Variants in SYMPK observed in about 807,000 individuals in gnomAD.
SYMPK encodes symplekin.
A neutral mutation model predicts 136.4 loss-of-function variants in SYMPK; 49 were observed. That is an observed-to-expected ratio of 0.36 (90% CI 0.29 to 0.46). The LOEUF is 0.46. Ranked by LOEUF, SYMPK falls within the 20% of genes least tolerant of loss-of-function variation. The pLI, the probability that SYMPK is intolerant of heterozygous loss-of-function variation, is 1.00. For missense variants in SYMPK, 1,365 were observed against 1,690.0 expected, an observed-to-expected ratio of 0.81 and a Z score of 3.37; for synonymous variants, 766 against 713.0, an observed-to-expected ratio of 1.07 and a Z score of -1.19.
chr19:45,848,011 G>A lies in SYMPK; in HGVS notation c.427-10C>T. ...GTGACTTTACCATCCACTGCCAGCA[G>A]GCCAGGAAGGAATGGAAGAGACACA... is the stretch of plus-strand genomic sequence containing the variant. On this transcript the variant is annotated splice_polypyrimidine_tract_variant and intron_variant, in intron 6 of 26. Coordinates refer to ENST00000245934, the MANE Select transcript of SYMPK (RefSeq NM_004819.3). The A allele has an allele frequency of 6.4e-7, 1 of 1,568,388 alleles. No homozygotes were observed. The highest frequency in any genetic ancestry group is 8.7e-7 in the Non-Finnish European group (1 of 1,150,598).
rs764509543 is a variant in SYMPK at position 45,821,368 on chromosome 19, G to C, written c.2893+16C>G. The C allele has an allele frequency of 2.5e-6, 4 of 1,606,594 alleles. No individual in the cohort carries two copies. Among genetic ancestry groups the C allele is most frequent in the East Asian group, 2.2e-5 (1 of 44,830 alleles). On this transcript the variant is annotated intron_variant, in intron 22 of 26. Coordinates refer to ENST00000245934, the MANE Select transcript of SYMPK (RefSeq NM_004819.3). The surrounding 1 kb of genome is among the most constrained non-coding windows in gnomAD (Gnocchi z 4.4). ...CGCAGGGGCCAGGCCACTGGAGTGGGGGGGAAGCGCCTCACCTTTGATGAT... is the reference window on the plus strand; with the variant it reads ...CGCAGGGGCCAGGCCACTGGAGTGGCGGGGAAGCGCCTCACCTTTGATGAT...
chr19:45,831,448 G>A lies in SYMPK; in HGVS notation c.1534C>T (p.Leu512=). 3 of 1,607,196 alleles carry A rather than the reference G, an allele frequency of 1.9e-6. No individual in the cohort carries two copies. Among genetic ancestry groups the A allele is most frequent in the Non-Finnish European group, 2.5e-6 (3 of 1,177,020 alleles). ...VVGSLSSMSP[L]EEEAPQAKRR... ...TTGGCCTGCGGTGCCTCTTCCTCCA[G>A]GGGGGACATGGAGCTCAGGGAACCC... is the stretch of plus-strand genomic sequence containing the variant. The change falls in exon 12 of 27, where the codon CTG becomes TTG. Residue 512 remains leucine (L), a synonymous_variant. Transcript: ENST00000245934.
At chr19:45,852,236 G>A (rs1971711039) in intron 5 of SYMPK, 76 bp downstream of exon 5, 1 of 1,479,218 alleles carries the variant, frequency 6.8e-7, no homozygotes, top group African/African-American at 1.4e-5. Context: ...TCTCAGTGGT[G>A]GCCTCCAGGC....
rs763041082 is a variant in SYMPK at position 45,827,494 on chromosome 19, T to C, written c.2181+16A>G. 1.9e-6 allele frequency: 3 copies of C among 1,599,352 alleles called. No individual in the cohort carries two copies. Among genetic ancestry groups the C allele is most frequent in the Non-Finnish European group, 2.6e-6 (3 of 1,167,016 alleles). The stretch of plus-strand genomic sequence containing the variant: ...CTGCAGGCTGAGGGCAGCCAGGAAG[T>C]GGAGGAGGGGATCACCTTGTCCTTC... On this transcript the variant is annotated intron_variant, in intron 16 of 26. Coordinates refer to ENST00000245934, the MANE Select transcript of SYMPK (RefSeq NM_004819.3).
intron 20 of SYMPK, 58 bp from the exon 21 acceptor site, chr19:45,822,904 C>G: frequency 3.5e-6 from 5 of 1,413,052 alleles, no homozygotes; most frequent in Non-Finnish European, 5.0e-6. Flanking sequence ...CATTTCCCTT[C>G]TAGACAAGCC....
At chr19:45,824,339 T>G (rs1320588754) in intron 18 of SYMPK, among the ~76,000 whole-genome samples, 2 of 152,134 alleles carry the variant, frequency 1.3e-5, no homozygotes, top group African/African-American at 4.8e-5. Flanking sequence ...GCTCCACCTC[T>G]GCCCAGTAAC....
intron 9 of SYMPK, among the ~76,000 whole-genome samples, chr19:45,841,482 G>A (rs893105524): frequency 2.0e-5 from 3 of 151,352 alleles, no homozygotes; most frequent in Non-Finnish European, 4.4e-5. Context: ...TAGTAGAGAC[G>A]GGGTTTTTCC....
chr19:45,838,666 C>T (rs752447139), intron 9 of SYMPK, 51 bp from the exon 10 acceptor site: 4 of 1,573,816 alleles, frequency 2.5e-6, no homozygotes, highest in Non-Finnish European at 3.5e-6. Context: ...AGCTGCAGGC[C>T]CTCCATCCTT....
At chr19:45,832,219 G>A (rs946669169) in intron 11 of SYMPK, among the ~76,000 whole-genome samples, 24 of 152,102 alleles carry the variant, frequency 1.6e-4, no homozygotes, top group African/African-American at 5.6e-4. Flanking sequence ...CTGACTCGCT[G>A]CAGCCTCCAC....
chr19:45,841,568 C>T (rs950597250), intron 9 of SYMPK, among the ~76,000 whole-genome samples: 2 of 152,188 alleles, frequency 1.3e-5, no homozygotes, highest in Non-Finnish European at 2.9e-5. Context: ...GCTGGGATTA[C>T]AGGCGTGAGC....
intron 1 of SYMPK, among the ~76,000 whole-genome samples, chr19:45,856,986 C>T (rs766143877): frequency 5.9e-5 from 9 of 151,870 alleles, no homozygotes; most frequent in Non-Finnish European, 1.3e-4. Context: ...GGCATGGTGG[C>T]GCATACCTAT....
chr19:45,838,411 G>A, intron 10 of SYMPK, 50 bp downstream of exon 10: 1 of 1,578,718 alleles, frequency 6.3e-7, no homozygotes, highest in Non-Finnish European at 8.6e-7. Context: ...AAAGACCGAG[G>A]AGATCCTTCC....
rs770342351 is a variant in SYMPK at position 45,829,058 on chromosome 19, C to A, written c.1897G>T (p.Ala633Ser). 1 of 1,614,164 alleles carries A rather than the reference C, an allele frequency of 6.2e-7. No individual in the cohort carries two copies. Among genetic ancestry groups the A allele is most frequent in the Non-Finnish European group, 8.5e-7 (1 of 1,180,036 alleles). ...LYQEYNAYLAAGASGSLDKYE... is the reference protein window; with the variant it reads ...LYQEYNAYLASGASGSLDKYE... ...TTGTCCAGGGAGCCCGAGGCACCTG[C>A]GGCCAGGTAGGCGTTGTACTCCTGG... The change falls in exon 14 of 27, where the codon GCA becomes TCA. Residue 633 changes from alanine to serine, a missense_variant. Ala to Ser is a moderately conservative substitution (Grantham distance 99). Transcript: ENST00000245934.
At chr19:45,850,497 G>A (rs899619604) in intron 5 of SYMPK, among the ~76,000 whole-genome samples, 1 of 152,124 alleles carries the variant, frequency 6.6e-6, no homozygotes, top group African/African-American at 2.4e-5. Flanking sequence ...AAACAAATGA[G>A]CAAGTGACCA....
At chr19:45,859,956 A>C (rs984997853) in intron 1 of SYMPK, among the ~76,000 whole-genome samples, 1,511 of 138,192 alleles carry the variant, frequency 0.011, 49 homozygotes, top group African/African-American at 0.04. Context: ...CTCCATCTAA[A>C]AAAAAAAAAA....
intron 1 of SYMPK, among the ~76,000 whole-genome samples, chr19:45,858,762 G>A (rs894021433): frequency 6.6e-6 from 1 of 152,006 alleles, no homozygotes; most frequent in African/African-American, 2.4e-5. Flanking sequence ...TGATTCGCCC[G>A]CCTTGGCCTC....
chr19:45,823,368 A>G lies in SYMPK; in HGVS notation c.2700+4T>C, dbSNP rs1970956226. 2 of 1,613,812 alleles carry G rather than the reference A, an allele frequency of 1.2e-6. No individual in the cohort carries two copies. The highest frequency in any genetic ancestry group is 1.7e-6 in the Non-Finnish European group (2 of 1,179,938). On this transcript the variant is annotated splice_donor_region_variant and intron_variant, in intron 20 of 26. Coordinates refer to ENST00000245934, the MANE Select transcript of SYMPK (RefSeq NM_004819.3). ...CAGGGACAAACAGGCCTCCAGCTCC[A>G]TACCTTCTCCAGCCCATTGAGCACC...
rs1419542376 is a variant in SYMPK, at chr19:45,815,986, C to T, written c.3552G>A (p.Pro1184=). 23 of 1,607,704 alleles carry T rather than the reference C, an allele frequency of 1.4e-5. No homozygotes were observed. The highest frequency in any genetic ancestry group is 3.4e-5 in the Admixed American group (2 of 59,364). ...CCCGGAAATCCATGGCTTCCTCAGA[C>T]GGGGGCGGGCCTGGCCGGGCCGACG... is the stretch of plus-strand genomic sequence containing the variant. ...PSPSARPGPP[P]SEEAMDFREE... The change falls in exon 26 of 27, where the codon CCG becomes CCA. Residue 1184 remains proline (P), a synonymous_variant. Coordinates refer to ENST00000245934, the MANE Select transcript of SYMPK (RefSeq NM_004819.3).
intron 24 of SYMPK, 107 bp downstream of exon 24, chr19:45,816,688 CCTT>C: frequency 2.0e-6 from 3 of 1,518,150 alleles, no homozygotes; most frequent in Admixed American, 2.1e-5. Flanking sequence ...CAGTGCAGGG[CCTT>C]CTTGTGTCCG....
Sources: gnomAD v4.1 joint callset for allele counts (sites outside exome capture counted in the v4.1 genomes callset) on GRCh38, gnomAD v4.1.1 for gene constraint, Gnocchi (gnomAD v3.1) non-coding constraint, MANE v1.5 for transcripts, NCBI Gene and HGNC (gene_info 2026-07-23, HGNC 2026-07-21) for gene names.